PIK3C3: variants seen among roughly 807,000 people sequenced by gnomAD.
PIK3C3 encodes phosphatidylinositol 3-kinase catalytic subunit type 3.
PIK3C3 carries 95 observed loss-of-function variants against 126.1 expected under a neutral mutation model. The observed-to-expected ratio is 0.75, with a 90% confidence interval of 0.64 to 0.89. PIK3C3 has a LOEUF of 0.89. Among genes scored for constraint, PIK3C3 ranks in the 40% least tolerant of loss-of-function variants. The pLI is 0.00. For synonymous variants in PIK3C3, 374 were observed against 360.0 expected (o/e 1.04, Z -0.44); for missense variants, 829 against 1,063.2 (o/e 0.78, Z 3.06).
chr18:41,976,364 CA>C (rs5824387), intron 4 of PIK3C3, among the ~76,000 whole-genome samples: 35,765 of 139,008 alleles, frequency 0.26, 4,487 homozygotes, highest in South Asian at 0.42. Context: ...TGTTGAAGAC[CA>C]AAAAAAAAAA....
chr18:42,048,945 CA>C (rs1244748881), intron 20 of PIK3C3, among the ~76,000 whole-genome samples: 3 of 152,062 alleles, frequency 2.0e-5, no homozygotes, highest in Admixed American at 6.5e-5. Context: ...GCTAAATTTC[CA>C]GACTTTTTTT....
In PIK3C3 at chr18:42,076,151, T is replaced by TATATATATATATATGCAC. The variant is rs1568013774; in HGVS notation, c.2650-4962_2650-4961insATATGCACATATATATAT. Among the ~76,000 whole-genome samples, 66 of 103,734 alleles carry TATATATATATATATGCAC rather than the reference T, an allele frequency of 6.4e-4. 2 individuals are homozygous for TATATATATATATATGCAC. Among genetic ancestry groups the TATATATATATATATGCAC allele is most frequent in the African/African-American group, 3.5e-3 (63 of 17,996 alleles). 68.1% of individuals were successfully genotyped at this position (103,734 alleles called of 152,430 possible). A position where few individuals can be genotyped will look rare whatever the true frequency, so the allele number is the denominator to read the frequency against. On this transcript the variant is annotated intron_variant, in intron 24 of 24. Transcript: ENST00000262039. ...ATATATATATATATATATGCGCATA[T>TATATATATATATATGCAC]ATATATATATGCACATATATATATA...
chr18:41,992,128 T>C (rs1382985339), intron 6 of PIK3C3, among the ~76,000 whole-genome samples: 1 of 152,192 alleles, frequency 6.6e-6, no homozygotes, highest in Admixed American at 6.5e-5. Flanking sequence ...TTGACCCCTT[T>C]CTACCACTTC....
chr18:41,993,221 CTATTG>C lies in PIK3C3; in HGVS notation c.715-44_715-40del, dbSNP rs573748520. 396 of 1,091,700 alleles carry C rather than the reference CTATTG, an allele frequency of 3.6e-4. 3 individuals are homozygous for C. In the South Asian group the frequency reaches 4.9e-3, roughly 14 times the overall value. 67.6% of individuals were successfully genotyped at this position (1,091,700 alleles called of 1,614,324 possible). A position where few individuals can be genotyped will look rare whatever the true frequency, so the allele number is the denominator to read the frequency against. On this transcript the variant is annotated intron_variant, in intron 6 of 24. Coordinates refer to ENST00000262039, the MANE Select transcript of PIK3C3 (RefSeq NM_002647.4). The stretch of plus-strand genomic sequence containing the variant: ...TGATGTGTACATCATATACTGCTTC[CTATTG>C]TATTAAATTTCTTTTTTTAAAAAAT...
chr18:42,033,788 C>A, intron 15 of PIK3C3, 38 bp from the exon 16 acceptor site: 7 of 1,471,450 alleles, frequency 4.8e-6, no homozygotes, highest in Non-Finnish European at 6.4e-6. Context: ...AACTACTCTT[C>A]TATTTTAACC....
At chr18:42,007,706 T>C (rs1027456950) in intron 10 of PIK3C3, among the ~76,000 whole-genome samples, 1 of 152,188 alleles carries the variant, frequency 6.6e-6, no homozygotes, top group Non-Finnish European at 1.5e-5. Flanking sequence ...CTCATCACTT[T>C]ATTGACTTTT....
At chr18:41,973,845 T>A (rs1021615312) in intron 4 of PIK3C3, among the ~76,000 whole-genome samples, 3 of 152,126 alleles carry the variant, frequency 2.0e-5, no homozygotes, top group Admixed American at 2.0e-4. Context: ...AGAAAAAAAA[T>A]TAGTATTCAA....
chr18:42,011,502 AGAATTAG>A (rs1285485008), intron 10 of PIK3C3, among the ~76,000 whole-genome samples: 7 of 152,088 alleles, frequency 4.6e-5, no homozygotes, highest in African/African-American at 1.4e-4. Context: ...AGAAATGGAG[AGAATTAG>A]GGCCTTGCTC....
intron 10 of PIK3C3, among the ~76,000 whole-genome samples, chr18:42,012,392 C>A (rs1281097835): frequency 6.6e-6 from 1 of 152,048 alleles, no homozygotes; most frequent in Non-Finnish European, 1.5e-5. Context: ...GAGACTTAAC[C>A]TGGTTTGTGA....
At chr18:42,059,274 T>C (rs547144358) in intron 22 of PIK3C3, among the ~76,000 whole-genome samples, 1 of 152,214 alleles carries the variant, frequency 6.6e-6, no homozygotes, top group Non-Finnish European at 1.5e-5. Flanking sequence ...ATTTATCCTT[T>C]GGGTGGCAGA....
intron 5 of PIK3C3, among the ~76,000 whole-genome samples, chr18:41,990,050 T>C (rs576304801): frequency 3.9e-5 from 6 of 152,318 alleles, no homozygotes; most frequent in South Asian, 2.1e-4. Flanking sequence ...GTTACACATA[T>C]TGATTTCTAT....
intron 6 of PIK3C3, 65 bp from the exon 7 acceptor site, chr18:41,993,205 C>A: frequency 1.1e-6 from 1 of 890,380 alleles, no homozygotes; most frequent in Non-Finnish European, 1.8e-6. Flanking sequence ...TTGATGTGTA[C>A]ATCATATACT....
chr18:42,029,567 A>G (rs556799330), intron 15 of PIK3C3, 126 bp downstream of exon 15: 14 of 503,762 alleles, frequency 2.8e-5, no homozygotes, highest in South Asian at 6.3e-5. Flanking sequence ...TTTTTTGACA[A>G]TGTCTCACTC....
chr18:42,018,925 T>A (rs1983197482), intron 12 of PIK3C3, among the ~76,000 whole-genome samples: 1 of 152,156 alleles, frequency 6.6e-6, no homozygotes, highest in Non-Finnish European at 1.5e-5. Flanking sequence ...AAACCTCAGA[T>A]GAGCACTCAC....
intron 13 of PIK3C3, 130 bp downstream of exon 13, chr18:42,020,835 T>C (rs913154792): frequency 8.6e-6 from 5 of 582,454 alleles, no homozygotes; most frequent in Non-Finnish European, 1.5e-5. Context: ...AGTATTTATA[T>C]CTAACTGTAT....
At chr18:42,051,239 C>T (rs986315755) in intron 21 of PIK3C3, 2 of 152,222 alleles carry the variant, frequency 1.3e-5, no homozygotes, top group African/African-American at 4.8e-5. Context: ...TGCCTCTGGA[C>T]CTTGAACACC....
In PIK3C3 at chr18:42,015,434, G is replaced by T. The variant is rs775484892; in HGVS notation, c.1326-42G>T. 5 of 1,462,354 alleles carry T rather than the reference G, an allele frequency of 3.4e-6. No individual in the cohort carries two copies. The East Asian group carries it at 1.1e-4, about 33-fold the overall frequency. The allele number at this position is 1,462,354 out of a possible 1,614,324, so 90.6% of individuals were successfully genotyped here. On this transcript the variant is annotated intron_variant, in intron 11 of 24. Coordinates refer to ENST00000262039, the MANE Select transcript of PIK3C3 (RefSeq NM_002647.4). ...AAAATTGTGCGTTCTCTTATGGACA[G>T]AGTATTTTACATCTCAGTGATCTCT...
chr18:42,022,236 C>A (rs1048311155), intron 13 of PIK3C3, among the ~76,000 whole-genome samples: 29 of 152,144 alleles, frequency 1.9e-4, no homozygotes, highest in Admixed American at 9.8e-4. Context: ...GTGTGCTGCA[C>A]CCGGTAACTC....
chr18:42,027,435 T>G lies in PIK3C3; in HGVS notation c.1485-8T>G, dbSNP rs1235106984. 1 of 1,543,064 alleles carries G rather than the reference T, an allele frequency of 6.5e-7. No individual in the cohort carries two copies. The highest frequency in any genetic ancestry group is 1.1e-5 in the South Asian group (1 of 87,674). On this transcript the variant is annotated splice_region_variant and splice_polypyrimidine_tract_variant and intron_variant, in intron 13 of 24. Coordinates refer to ENST00000262039, the MANE Select transcript of PIK3C3 (RefSeq NM_002647.4). ...CACATCACATGAATGGCTCAAACTA[T>G]TTTTAAGGTATGTGATAGTGGAATG...
Sources: gnomAD v4.1 joint callset for allele counts (sites outside exome capture counted in the v4.1 genomes callset) on GRCh38, gnomAD v4.1.1 for gene constraint, MANE v1.5 for transcripts, NCBI Gene and HGNC (gene_info 2026-07-23, HGNC 2026-07-21) for gene names.